IL4R: variants seen among roughly 807,000 people sequenced by gnomAD.
IL4R encodes the protein interleukin 4 receptor.
IL4R carries 17 observed loss-of-function variants against 41.5 expected under a neutral mutation model. The ratio of observed to expected loss-of-function variants is 0.41; its 90% CI spans 0.28 to 0.61. The LOEUF is 0.61. Among genes scored for constraint, IL4R ranks in the 20% least tolerant of loss-of-function variants. The pLI is 0.31. For missense variants in IL4R, 974 were observed against 1,043.1 expected, an observed-to-expected ratio of 0.93 and a Z score of 0.91; for synonymous variants, 402 against 422.9, an observed-to-expected ratio of 0.95 and a Z score of 0.61.
chr16:27,363,392 G>A lies in IL4R; in HGVS notation c.2040G>A (p.Leu680=). ...LPSSSPEHLG[L]EPGEKVEDMP... is the part of the protein sequence containing the mutation. Reference sequence around the variant, plus strand: ...GCAGCTCCCCAGAGCACCTGGGTCTGGAGCCGGGGGAAAAGGTAGAGGACA... The same window carrying A: ...GCAGCTCCCCAGAGCACCTGGGTCTAGAGCCGGGGGAAAAGGTAGAGGACA... The change falls in exon 11 of 11, where the codon CTG becomes CTA. Residue 680 remains leucine, a synonymous_variant. Coordinates refer to ENST00000395762, the MANE Select transcript of IL4R (RefSeq NM_000418.4). 1.2e-6 allele frequency: 2 copies of A among 1,614,146 alleles called. No individual in the cohort carries two copies. Among genetic ancestry groups the A allele is most frequent in the Non-Finnish European group, 1.7e-6 (2 of 1,180,026 alleles).
chr16:27,330,396 A>G (rs942395482), intron 2 of IL4R, among the ~76,000 whole-genome samples, 198 bp downstream of exon 2: 1 of 151,516 alleles, frequency 6.6e-6, no homozygotes, highest in Non-Finnish European at 1.5e-5. Context: ...CAAAAAAAAA[A>G]AAAAGAAAAG....
chr16:27,334,459 A>G (rs2085198311), intron 2 of IL4R: 1 of 152,074 alleles, frequency 6.6e-6, no homozygotes, highest in South Asian at 2.1e-4. Flanking sequence ...AAGGATATCA[A>G]TCCTGACGCC....
chr16:27,363,497 C>G lies in IL4R; in HGVS notation c.2145C>G (p.Ala715=), dbSNP rs1309552864. 1 of 1,614,132 alleles carries G rather than the reference C, an allele frequency of 6.2e-7. No homozygotes were observed. The highest frequency in any genetic ancestry group is 1.3e-5 in the African/African-American group (1 of 75,036). ...TGGGCAGTGGCATTGTCTACTCAGC[C>G]CTTACCTGCCACCTGTGCGGCCACC... is the stretch of plus-strand genomic sequence containing the variant. ...DSLGSGIVYS[A]LTCHLCGHLK... is the part of the protein sequence containing the mutation. Residue 715 remains alanine (A), a synonymous_variant, in exon 11 of 11, where the codon GCC becomes GCG. Transcript: ENST00000395762.
chr16:27,327,648 G>T (rs2084993582), intron 1 of IL4R, among the ~76,000 whole-genome samples: 1 of 152,058 alleles, frequency 6.6e-6, no homozygotes. Context: ...CATTTCAAGG[G>T]TCAGCAACCA....
rs762694127 is a variant in IL4R, at chr16:27,344,993, A to G, written c.334A>G (p.Lys112Glu). ...DLWAGQQLLW[K>E]GSFKPSEHVK... The stretch of plus-strand genomic sequence containing the variant: ...GTGGGCTGGGCAGCAGCTGCTGTGG[A>G]AGGGCTCCTTCAAGCCCAGCGAGCA... The change falls in exon 5 of 11, where the codon AAG becomes GAG. Residue 112 changes from lysine to glutamate, a missense_variant. Around this residue, in one of 3 missense-constraint regions of IL4R, gnomAD observed 284 missense variants for 313.4 expected, o/e 0.91. Transcript: ENST00000395762. The G allele has an allele frequency of 3.7e-5, 59 of 1,611,062 alleles. No individual in the cohort carries two copies. The highest frequency in any genetic ancestry group is 4.5e-5 in the Non-Finnish European group (53 of 1,178,298).
chr16:27,323,241 C>T (rs1168585585), intron 1 of IL4R, among the ~76,000 whole-genome samples: 1 of 152,196 alleles, frequency 6.6e-6, no homozygotes, highest in Non-Finnish European at 1.5e-5. Flanking sequence ...CTGCTGAGGG[C>T]CGAGCAAATG....
intron 2 of IL4R, among the ~76,000 whole-genome samples, chr16:27,332,298 G>C (rs2085132868): frequency 6.6e-6 from 1 of 152,088 alleles, no homozygotes; most frequent in African/African-American, 2.4e-5. Flanking sequence ...GGGAAGCAAA[G>C]ACATCCTTTT....
intron 8 of IL4R, among the ~76,000 whole-genome samples, chr16:27,357,715 C>T (rs1223465085): frequency 6.6e-6 from 1 of 152,026 alleles, no homozygotes; most frequent in African/African-American, 2.4e-5. Context: ...CCACCCACCT[C>T]GTTCTCCCAA....
chr16:27,323,038 C>A (rs2084858937), intron 1 of IL4R, among the ~76,000 whole-genome samples: 1 of 152,046 alleles, frequency 6.6e-6, no homozygotes, highest in Admixed American at 6.6e-5. Context: ...GTCTGTGTGT[C>A]CCCACCCATC....
In IL4R at chr16:27,363,541, A is replaced by G. The variant is rs951597152; in HGVS notation, c.2189A>G (p.Gln730Arg). The G allele has an allele frequency of 1.2e-6, 2 of 1,614,048 alleles. No individual in the cohort carries two copies. The highest frequency in any genetic ancestry group is 2.7e-5 in the African/African-American group (2 of 74,922). The change falls in exon 11 of 11, where the codon CAG becomes CGG. Residue 730 changes from glutamine to arginine, a missense_variant. By Grantham distance (43) the Gln-to-Arg change is conservative. Transcript: ENST00000395762. Reference protein sequence around the residue: ...LCGHLKQCHGQEDGGQTPVMA... With the variant: ...LCGHLKQCHGREDGGQTPVMA... ...GGCCACCTGAAACAGTGTCATGGCCAGGAGGATGGTGGCCAGACCCCTGTC... is the reference window on the plus strand; with the variant it reads ...GGCCACCTGAAACAGTGTCATGGCCGGGAGGATGGTGGCCAGACCCCTGTC...
chr16:27,363,982 C>A lies in IL4R; in HGVS notation c.*152C>A. 1 of 900,038 alleles carries A rather than the reference C, an allele frequency of 1.1e-6. No homozygotes were observed. Among genetic ancestry groups the A allele is most frequent in the Non-Finnish European group, 1.7e-6 (1 of 593,292 alleles). The allele number at this position is 900,038 out of a possible 1,614,324, so 55.8% of individuals were successfully genotyped here. A position where few individuals can be genotyped will look rare whatever the true frequency, so the allele number is the denominator to read the frequency against. On this transcript the variant is annotated 3_prime_UTR_variant, in exon 11 of 11. Transcript: ENST00000395762. ...AGGTGATTGGCCCCACTGACGTTGG[C>A]CTAACACTGGGCTGCAGAGACTGGA...
chr16:27,332,648 G>T (rs530389634), intron 2 of IL4R, among the ~76,000 whole-genome samples: 1 of 151,614 alleles, frequency 6.6e-6, no homozygotes, highest in South Asian at 2.1e-4. Flanking sequence ...GATTTTCCTC[G>T]ATTAATTTTC....
chr16:27,318,042 A>T (rs150162835), intron 1 of IL4R, among the ~76,000 whole-genome samples: 1 of 152,296 alleles, frequency 6.6e-6, no homozygotes, highest in African/African-American at 2.4e-5. Flanking sequence ...TACAACCAAT[A>T]CATATGTTCA....
intron 8 of IL4R, among the ~76,000 whole-genome samples, chr16:27,356,712 G>A (rs746294269): frequency 2.0e-5 from 3 of 152,188 alleles, no homozygotes; most frequent in Non-Finnish European, 2.9e-5. Context: ...AGGAATTTGC[G>A]ACGATTGCCC....
At chr16:27,321,322 C>T (rs2084806749) in intron 1 of IL4R, among the ~76,000 whole-genome samples, 4 of 152,116 alleles carry the variant, frequency 2.6e-5, no homozygotes, top group South Asian at 2.1e-4. Context: ...CCTCCAAACT[C>T]GGATACTTCT....
chr16:27,326,952 T>G (rs2084972275), intron 1 of IL4R, among the ~76,000 whole-genome samples: 1 of 152,054 alleles, frequency 6.6e-6, no homozygotes, highest in South Asian at 2.1e-4. Context: ...CAGTTCTAGG[T>G]AGGTTACTGT....
intron 6 of IL4R, among the ~76,000 whole-genome samples, chr16:27,351,866 G>C (rs1381666076): frequency 6.6e-6 from 1 of 152,152 alleles, no homozygotes; most frequent in Non-Finnish European, 1.5e-5. Flanking sequence ...AAAAGAAGCA[G>C]AGAACACATA....
intron 5 of IL4R, among the ~76,000 whole-genome samples, chr16:27,346,094 C>T (rs1022921196): frequency 2.0e-5 from 3 of 152,108 alleles, no homozygotes; most frequent in African/African-American, 4.8e-5. Context: ...CGCGGTGGCT[C>T]ATGCCTGGAA....
At chr16:27,353,619 C>A (rs2085953871) in intron 7 of IL4R, among the ~76,000 whole-genome samples, 1 of 151,966 alleles carries the variant, frequency 6.6e-6, no homozygotes, top group African/African-American at 2.4e-5. Context: ...TTACTGGGGT[C>A]TCTTCCCTCC....
Sources: gnomAD v4.1 joint callset for allele counts (sites outside exome capture counted in the v4.1 genomes callset) on GRCh38, gnomAD v4.1.1 for gene constraint, gnomAD v4.1.1 regional missense constraint, MANE v1.5 for transcripts, NCBI Gene and HGNC (gene_info 2026-07-23, HGNC 2026-07-21) for gene names.